LMAN2L: variants seen among roughly 807,000 people sequenced by gnomAD.
LMAN2L encodes the protein VIP36-like protein.
Under a neutral mutation model 44.3 loss-of-function variants are expected in LMAN2L, and 30 were observed. The observed-to-expected ratio is 0.68, with a 90% CI of 0.51 to 0.92. The LOEUF is 0.92. Among genes scored for constraint, LMAN2L ranks in the 40% least tolerant of loss-of-function variants. LMAN2L has a pLI of 0.00. For missense variants in LMAN2L, 429 were observed against 446.1 expected, an observed-to-expected ratio of 0.96 and a Z score of 0.35; for synonymous variants, 183 against 171.1, an observed-to-expected ratio of 1.07 and a Z score of -0.54.
At chr2:96,728,659 G>A (rs1390696161) in intron 4 of LMAN2L, among the ~76,000 whole-genome samples, 1 of 151,960 alleles carries the variant, frequency 6.6e-6, no homozygotes, top group African/African-American at 2.4e-5. Context: ...CCTGGCCAAC[G>A]CAGTGAAACG....
chr2:96,733,964 T>C (rs2078459840), intron 3 of LMAN2L, among the ~76,000 whole-genome samples: 1 of 152,190 alleles, frequency 6.6e-6, no homozygotes, highest in Non-Finnish European at 1.5e-5. Context: ...TAGTTCTCCT[T>C]CTTGTTGCAA....
chr2:96,716,028 G>A (rs1004902769), intron 4 of LMAN2L, among the ~76,000 whole-genome samples: 2 of 152,302 alleles, frequency 1.3e-5, no homozygotes, highest in East Asian at 1.9e-4. Flanking sequence ...AGTGACTAGT[G>A]TATTTCTAGA....
At chr2:96,735,572 C>T (rs2078496601) in intron 2 of LMAN2L, among the ~76,000 whole-genome samples, 1 of 152,214 alleles carries the variant, frequency 6.6e-6, no homozygotes, top group Admixed American at 6.5e-5. Context: ...AGCGCGGTGG[C>T]TCACGCCTGT....
At chr2:96,730,521 T>G (rs1357170071) in intron 4 of LMAN2L, among the ~76,000 whole-genome samples, 1 of 152,122 alleles carries the variant, frequency 6.6e-6, no homozygotes, top group Non-Finnish European at 1.5e-5. Context: ...AGCGGCTAGT[T>G]AACATGCCGA....
intron 4 of LMAN2L, among the ~76,000 whole-genome samples, chr2:96,716,375 C>T (rs1187501463): frequency 6.6e-6 from 1 of 151,754 alleles, no homozygotes. Flanking sequence ...CCAGTGAAAA[C>T]TCTGTTACCA....
intron 1 of LMAN2L, 65 bp downstream of exon 1, chr2:96,739,789 C>A (rs982442191): frequency 2.0e-5 from 31 of 1,546,296 alleles, no homozygotes; most frequent in Admixed American, 5.0e-5. Flanking sequence ...GCCCCCGCCT[C>A]TACCCCTGAA....
At chr2:96,715,104 A>G (rs572452438) in intron 4 of LMAN2L, among the ~76,000 whole-genome samples, 20 of 151,934 alleles carry the variant, frequency 1.3e-4, no homozygotes, top group Non-Finnish European at 2.8e-4. Flanking sequence ...ATGCCCAGCT[A>G]ATTTTTGTAT....
chr2:96,708,536 A>C (rs535331428), intron 6 of LMAN2L, among the ~76,000 whole-genome samples: 1 of 152,370 alleles, frequency 6.6e-6, no homozygotes, highest in African/African-American at 2.4e-5. Context: ...TAATTAAAAA[A>C]TTTGGAGATA....
At chr2:96,739,532 AT>A (rs1387679419) in intron 1 of LMAN2L, among the ~76,000 whole-genome samples, 2 of 152,118 alleles carry the variant, frequency 1.3e-5, no homozygotes, top group African/African-American at 4.8e-5. Flanking sequence ...AGACTGGCTC[AT>A]TGCTAGTAGC....
intron 6 of LMAN2L, among the ~76,000 whole-genome samples, chr2:96,710,773 C>T (rs1020002308): frequency 2.6e-5 from 4 of 152,170 alleles, no homozygotes; most frequent in African/African-American, 9.7e-5. Context: ...CACTAGCTGT[C>T]GGCTTTTTCA....
At chr2:96,738,537 G>A (rs2078564235) in intron 1 of LMAN2L, among the ~76,000 whole-genome samples, 3 of 152,024 alleles carry the variant, frequency 2.0e-5, no homozygotes. Context: ...TTAGCCAGGT[G>A]TGGTAGTCCT....
Position 96,712,003 on chromosome 2 carries a change from G to A in LMAN2L, c.530C>T (p.Ala177Val). ...GCTGAGGGAGCCGTTGTTCACCATG[G>A]CTGAGATGTAGGGGAATACCCGCTG... ...QQERVFPYIS[A>V]MVNNGSLSYD... Residue 177 changes from alanine (A) to valine (V), a missense_variant, in exon 5 of 8, where the codon GCC (alanine) becomes GTC (valine). Transcript: ENST00000264963. 1 of 1,614,252 alleles carries A rather than the reference G, an allele frequency of 6.2e-7. No individual in the cohort carries two copies. The highest frequency in any genetic ancestry group is 8.5e-7 in the Non-Finnish European group (1 of 1,180,048).
intron 6 of LMAN2L, among the ~76,000 whole-genome samples, chr2:96,708,908 C>CTTTTTTTTT (rs140328524): frequency 2.2e-5 from 2 of 89,248 alleles, no homozygotes; most frequent in African/African-American, 9.3e-5. Context: ...TGAAGTTAGA[C>CTTTTTTTTT]TTTTTTTTTT....
chr2:96,721,346 T>C (rs1196506917), intron 4 of LMAN2L, among the ~76,000 whole-genome samples: 1 of 149,260 alleles, frequency 6.7e-6, no homozygotes, highest in Admixed American at 6.7e-5. Flanking sequence ...TTTTTTTTTT[T>C]TTTTGAGACA....
At chr2:96,707,659 C>G in intron 7 of LMAN2L, 55 bp downstream of exon 7, 1 of 1,605,842 alleles carries the variant, frequency 6.2e-7, no homozygotes, top group Non-Finnish European at 8.5e-7. Flanking sequence ...ATGGGTACAG[C>G]ACTGCAAGCT....
rs554368584 is a variant in LMAN2L, at chr2:96,729,045, A to G, written c.507+4474T>C. 4.7e-4 allele frequency among the ~76,000 whole-genome samples: 71 copies of G among 150,164 alleles called. 1 individual carries two copies. The highest frequency in any genetic ancestry group is 1.6e-3 in the Admixed American group (24 of 15,032). On this transcript the variant is annotated intron_variant, in intron 4 of 7. Transcript: ENST00000264963. ...AAATTAGCTGGGCGTGGTGGCAGGT[A>G]CTTGTAGTCCCAGCTACTCAGGAGG...
At position 96,740,019 on chromosome 2, in the gene LMAN2L, G is replaced by T. The variant is rs765945919; in HGVS notation, c.22C>A (p.Leu8Ile). The T allele has an allele frequency of 9.3e-6, 15 of 1,612,346 alleles. No individual in the cohort carries two copies. Among genetic ancestry groups the T allele is most frequent in the East Asian group, 2.2e-5 (1 of 44,858 alleles). MAATLGP[L>I]GSWQQWRRCL... is the part of the protein sequence containing the mutation. ...CGCCGCCACTGCTGCCACGACCCAAGGGGTCCCAGAGTCGCCGCCATCTTT... is the reference window on the plus strand; with the variant it reads ...CGCCGCCACTGCTGCCACGACCCAATGGGTCCCAGAGTCGCCGCCATCTTT... The change falls in exon 1 of 8, where the codon CTT becomes ATT. Residue 8 changes from leucine to isoleucine, a missense_variant. By Grantham distance (5) the Leu-to-Ile change is conservative. Transcript: ENST00000264963.
chr2:96,732,350 T>C (rs1574026897), intron 4 of LMAN2L, among the ~76,000 whole-genome samples: 1 of 150,938 alleles, frequency 6.6e-6, no homozygotes. Flanking sequence ...CCACTGTCAA[T>C]ATAAGAAAGC....
At chr2:96,734,347 A>C in intron 3 of LMAN2L, 62 bp downstream of exon 3, 1 of 1,014,940 alleles carries the variant, frequency 9.9e-7, no homozygotes, top group Non-Finnish European at 1.6e-6. Flanking sequence ...CCTTTTCAAA[A>C]AGAGGGCACA....
Sources: gnomAD v4.1 joint callset for allele counts (sites outside exome capture counted in the v4.1 genomes callset) on GRCh38, gnomAD v4.1.1 for gene constraint, MANE v1.5 for transcripts, NCBI Gene and HGNC (gene_info 2026-07-23, HGNC 2026-07-21) for gene names.